Variants in ADGRL2 observed in about 807,000 individuals in gnomAD.
ADGRL2 encodes the protein calcium-independent alpha-latrotoxin receptor 2.
In ADGRL2, 44 loss-of-function variants were observed where a neutral mutation model predicts 157.4. The ratio of observed to expected loss-of-function variants is 0.28; its 90% CI spans 0.22 to 0.36. The LOEUF (loss-of-function observed/expected upper bound fraction) is 0.36. ADGRL2 is among the 10% of genes least tolerant of loss of function. The probability of loss-of-function intolerance (pLI) is 1.00; values close to 1 mark genes in which losing one functional copy is unlikely to be tolerated. For synonymous variants in ADGRL2, 585 were observed against 624.7 expected (o/e 0.94, Z 0.95); for missense variants, 1,510 against 1,768.9 (o/e 0.85, Z 2.63).
intron 3 of ADGRL2, among the ~76,000 whole-genome samples, chr1:81,606,497 G>GCA (rs59187962): frequency 0.64 from 95,616 of 149,226 alleles, 30,706 homozygotes; most frequent in East Asian, 0.93. Flanking sequence ...TCATGCACAT[G>GCA]CACACACACA....
chr1:81,459,715 C>T (rs1175465724), intron 2 of ADGRL2, among the ~76,000 whole-genome samples: 2 of 151,428 alleles, frequency 1.3e-5, no homozygotes, highest in Non-Finnish European at 2.9e-5. Flanking sequence ...CACACACACA[C>T]ATATACACAC....
intron 3 of ADGRL2, among the ~76,000 whole-genome samples, chr1:81,602,735 C>T (rs2081357456): frequency 6.6e-6 from 1 of 151,818 alleles, no homozygotes; most frequent in Non-Finnish European, 1.5e-5. Flanking sequence ...CCTATCCCTA[C>T]TAAGAATACA....
intron 3 of ADGRL2, among the ~76,000 whole-genome samples, chr1:81,581,565 G>A (rs1056754584): frequency 6.6e-5 from 10 of 152,034 alleles, no homozygotes; most frequent in Non-Finnish European, 1.2e-4. Flanking sequence ...AAAGAATAAC[G>A]TTTATAATTG....
rs1380382561 is a variant in ADGRL2, at chr1:81,969,027, A to G, written c.2524-151A>G. ...GAACGCTATTATGTGATCAAAATTT[A>G]TTTTTGGTATTGAGCCTTTTTTGAA... On this transcript the variant is annotated intron_variant, in intron 14 of 23. Transcript: ENST00000686636. The G allele has an allele frequency of 2.1e-5, 13 of 609,696 alleles. No individual in the cohort carries two copies. In the Admixed American group the frequency reaches 3.7e-4, roughly 17 times the overall value. The allele number at this position is 609,696 out of a possible 1,614,324, so 37.8% of individuals were successfully genotyped here.
intron 2 of ADGRL2, among the ~76,000 whole-genome samples, chr1:81,579,955 G>A (rs776090896): frequency 1.8e-4 from 28 of 152,074 alleles, no homozygotes; most frequent in African/African-American, 6.3e-4. Context: ...ATACTGCATC[G>A]TTAAGCATGG....
chr1:81,364,434 C>G (rs1301089359), intron 1 of ADGRL2, among the ~76,000 whole-genome samples: 1 of 152,046 alleles, frequency 6.6e-6, no homozygotes, highest in African/African-American at 2.4e-5. Flanking sequence ...AGGTATAGAA[C>G]AATTCAATTG....
At chr1:81,558,257 A>C (rs1350466360) in intron 2 of ADGRL2, among the ~76,000 whole-genome samples, 1 of 152,210 alleles carries the variant, frequency 6.6e-6, no homozygotes, top group Non-Finnish European at 1.5e-5. Context: ...GTATGGACAT[A>C]GGTTTTTTAT....
intron 6 of ADGRL2, among the ~76,000 whole-genome samples, chr1:81,949,734 G>A (rs1294149879): frequency 6.6e-6 from 1 of 152,150 alleles, no homozygotes; most frequent in Non-Finnish European, 1.5e-5. Flanking sequence ...TAAAGTGGGT[G>A]ACTTTAAATT....
chr1:81,755,590 C>G (rs1054854829), intron 1 of ADGRL2, among the ~76,000 whole-genome samples: 1 of 152,030 alleles, frequency 6.6e-6, no homozygotes, highest in Non-Finnish European at 1.5e-5. Flanking sequence ...TACTGAGAAA[C>G]TGCTTTTGAA....
At chr1:81,722,774 C>G in intron 1 of ADGRL2, 1 of 776,086 alleles carries the variant, frequency 1.3e-6, no homozygotes, top group Non-Finnish European at 2.2e-6. Flanking sequence ...CATGAGAGAG[C>G]CCGGAGGGAG....
intron 3 of ADGRL2, among the ~76,000 whole-genome samples, chr1:81,916,472 A>G (rs958015982): frequency 1.3e-5 from 2 of 152,032 alleles, no homozygotes; most frequent in African/African-American, 4.8e-5. Flanking sequence ...GTAATTTGGC[A>G]TTTTCTTCTG....
At chr1:81,745,658 G>A (rs2085221633) in intron 1 of ADGRL2, among the ~76,000 whole-genome samples, 1 of 152,166 alleles carries the variant, frequency 6.6e-6, no homozygotes, top group African/African-American at 2.4e-5. Context: ...ATAAATTTAT[G>A]TGAAAAGCAT....
chr1:81,590,438 G>T (rs1017582358), intron 3 of ADGRL2, among the ~76,000 whole-genome samples: 4 of 151,950 alleles, frequency 2.6e-5, no homozygotes, highest in African/African-American at 9.7e-5. Flanking sequence ...TTCCCATTGT[G>T]GTGACTGCAC....
At chr1:81,966,699 A>T in intron 13 of ADGRL2, 90 bp downstream of exon 13, 2 of 1,104,526 alleles carry the variant, frequency 1.8e-6, no homozygotes, top group Non-Finnish European at 1.4e-6. Context: ...TGGGGAGAGA[A>T]CTGGGGAGAT....
At chr1:81,915,010 T>G (rs2094821965) in intron 3 of ADGRL2, among the ~76,000 whole-genome samples, 1 of 152,168 alleles carries the variant, frequency 6.6e-6, no homozygotes, top group Admixed American at 6.5e-5. Context: ...GAAGATAAAT[T>G]ATCTAAATAT....
chr1:81,881,902 ATTTG>A (rs1336706495), intron 2 of ADGRL2, among the ~76,000 whole-genome samples: 1 of 152,086 alleles, frequency 6.6e-6, no homozygotes, highest in Non-Finnish European at 1.5e-5. Flanking sequence ...TACTAGATTG[ATTTG>A]TTTTTTTCCT....
chr1:81,839,212 C>T (rs552977109), intron 2 of ADGRL2, among the ~76,000 whole-genome samples: 1 of 151,982 alleles, frequency 6.6e-6, no homozygotes, highest in African/African-American at 2.4e-5. Flanking sequence ...TCTTTTTATA[C>T]TTCTTTTTAT....
intron 1 of ADGRL2, among the ~76,000 whole-genome samples, chr1:81,373,644 A>T (rs1256342624): frequency 6.6e-6 from 1 of 152,202 alleles, no homozygotes; most frequent in South Asian, 2.1e-4. Flanking sequence ...AAATAAGTTC[A>T]ATGTCTAGAA....
intron 2 of ADGRL2, among the ~76,000 whole-genome samples, chr1:81,553,914 C>A (rs1381502012): frequency 6.6e-6 from 1 of 152,132 alleles, no homozygotes; most frequent in Non-Finnish European, 1.5e-5. Context: ...CAAATAGAAC[C>A]AACACTGTTT....
Sources: allele counts gnomAD v4.1 joint callset (sites outside exome capture counted in the v4.1 genomes callset), GRCh38; gene constraint gnomAD v4.1.1; transcripts MANE v1.5; gene names NCBI Gene and HGNC (gene_info 2026-07-23, HGNC 2026-07-21).